Variants in AUH observed in about 807,000 individuals in gnomAD.
AUH encodes methylglutaconyl-CoA hydratase, mitochondrial.
In AUH, 29 loss-of-function variants were observed where a neutral mutation model predicts 42.3. That is an observed-to-expected ratio of 0.69 (90% confidence interval 0.51 to 0.93). The LOEUF (loss-of-function observed/expected upper bound fraction) is 0.93, where lower values mean the gene tolerates loss of function less well. Among genes scored for constraint, AUH ranks in the 40% least tolerant of loss-of-function variants. The pLI, the probability that AUH is intolerant of heterozygous loss-of-function variation, is 0.00. For missense variants in AUH, 452 were observed against 438.1 expected (o/e 1.03, Z -0.28); for synonymous variants, 174 against 166.4 (o/e 1.05, Z -0.35).
intron 6 of AUH, among the ~76,000 whole-genome samples, chr9:91,222,974 T>C (rs767302650): frequency 6.6e-6 from 1 of 152,292 alleles, no homozygotes; most frequent in Non-Finnish European, 1.5e-5. Context: ...AGCATGATCC[T>C]GAGGTATGAG....
chr9:91,349,038 C>A (rs1030405831), intron 3 of AUH, among the ~76,000 whole-genome samples: 3 of 152,204 alleles, frequency 2.0e-5, no homozygotes, highest in African/African-American at 7.2e-5. Context: ...TTATCAAACT[C>A]TCTGAAGGAC....
At chr9:91,322,868 C>T (rs962638046) in intron 4 of AUH, among the ~76,000 whole-genome samples, 1 of 152,120 alleles carries the variant, frequency 6.6e-6, no homozygotes, top group Non-Finnish European at 1.5e-5. Flanking sequence ...GTATGGCCAC[C>T]GCAGCATTAG....
intron 6 of AUH, among the ~76,000 whole-genome samples, chr9:91,278,578 A>G (rs1305564437): frequency 1.3e-5 from 2 of 152,252 alleles, no homozygotes; most frequent in East Asian, 3.8e-4. Context: ...CGCGATTTCA[A>G]CGAATGGAAA....
At chr9:91,241,048 A>T (rs1432754728) in intron 6 of AUH, among the ~76,000 whole-genome samples, 1 of 152,196 alleles carries the variant, frequency 6.6e-6, no homozygotes, top group Non-Finnish European at 1.5e-5. Flanking sequence ...AAGAAGGAAG[A>T]CATTCAGAAT....
intron 6 of AUH, among the ~76,000 whole-genome samples, chr9:91,252,321 T>A (rs1410192275): frequency 6.6e-6 from 1 of 151,874 alleles, no homozygotes. Flanking sequence ...CTTGTACATA[T>A]GGTCAAGGAA....
chr9:91,326,791 G>C (rs1378407530), intron 3 of AUH, among the ~76,000 whole-genome samples: 4 of 152,032 alleles, frequency 2.6e-5, no homozygotes, highest in African/African-American at 4.8e-5. Flanking sequence ...TAAATGTTTT[G>C]GAATGCCTGA....
chr9:91,331,610 G>T (rs996746217), intron 3 of AUH, among the ~76,000 whole-genome samples: 1 of 151,966 alleles, frequency 6.6e-6, no homozygotes, highest in Non-Finnish European at 1.5e-5. Flanking sequence ...AGTAGACAAC[G>T]CATGGAATTG....
chr9:91,256,705 CCTT>C (rs1208186055), intron 6 of AUH, among the ~76,000 whole-genome samples: 4 of 152,038 alleles, frequency 2.6e-5, no homozygotes, highest in African/African-American at 7.3e-5. Context: ...CACAGCCCCT[CCTT>C]CTACTGAACC....
intron 3 of AUH, 135 bp downstream of exon 3, chr9:91,355,748 G>A: frequency 2.7e-6 from 2 of 738,886 alleles, no homozygotes; most frequent in East Asian, 2.7e-5. Context: ...TTTTTCTTGT[G>A]AATCAGTAAA....
chr9:91,320,638 T>C (rs932798358), intron 4 of AUH, among the ~76,000 whole-genome samples: 4 of 152,260 alleles, frequency 2.6e-5, no homozygotes, highest in Admixed American at 6.5e-5. Context: ...AATCGTTCAC[T>C]GGTCTATTAA....
intron 6 of AUH, chr9:91,294,597 T>C: frequency 4.7e-6 from 2 of 424,996 alleles, no homozygotes; most frequent in Non-Finnish European, 4.7e-6. Context: ...ATAGCTGCCA[T>C]AGACAGTGAT....
chr9:91,227,463 G>A (rs369615571), intron 6 of AUH, among the ~76,000 whole-genome samples: 1 of 126,614 alleles, frequency 7.9e-6, no homozygotes, highest in African/African-American at 2.8e-5. Context: ...CTGAGACAAT[G>A]GGGTTTTCTA....
At chr9:91,273,736 G>GC (rs569302146) in intron 6 of AUH, among the ~76,000 whole-genome samples, 1 of 152,228 alleles carries the variant, frequency 6.6e-6, no homozygotes, top group South Asian at 2.1e-4. Flanking sequence ...TTACACAGTG[G>GC]CCCCCAAACC....
intron 3 of AUH, among the ~76,000 whole-genome samples, chr9:91,350,778 A>T (rs552847243): frequency 4.6e-5 from 7 of 152,074 alleles, no homozygotes; most frequent in Non-Finnish European, 5.9e-5. Context: ...AAACAAAAAG[A>T]AAGTTGTAAC....
chr9:91,317,841 A>T (rs1188764948), intron 4 of AUH, among the ~76,000 whole-genome samples: 5 of 152,236 alleles, frequency 3.3e-5, no homozygotes, highest in Non-Finnish European at 5.9e-5. Context: ...ATACATGTTG[A>T]TATTTCTCAA....
At chr9:91,287,539 T>C (rs964353666) in intron 6 of AUH, among the ~76,000 whole-genome samples, 1 of 152,148 alleles carries the variant, frequency 6.6e-6, no homozygotes, top group Non-Finnish European at 1.5e-5. Flanking sequence ...ATGTTAATAT[T>C]TGAGGAAGCT....
intron 3 of AUH, among the ~76,000 whole-genome samples, chr9:91,333,735 G>T (rs569785537): frequency 2.0e-5 from 3 of 152,142 alleles, no homozygotes; most frequent in Admixed American, 1.3e-4. Flanking sequence ...AAATCACATC[G>T]TAATCAAGAA....
At chr9:91,249,675 T>C (rs114942244) in intron 6 of AUH, among the ~76,000 whole-genome samples, 47 of 152,270 alleles carry the variant, frequency 3.1e-4, no homozygotes, top group African/African-American at 1.0e-3. Flanking sequence ...TCAACTACTG[T>C]TTGTGTTCAT....
intron 7 of AUH, among the ~76,000 whole-genome samples, chr9:91,219,984 A>G (rs767855943): frequency 8.5e-5 from 13 of 152,232 alleles, no homozygotes; most frequent in Non-Finnish European, 1.6e-4. Flanking sequence ...TTGACTCTAG[A>G]AATGGTTAGG....
Sources: gnomAD v4.1 joint callset for allele counts (sites outside exome capture counted in the v4.1 genomes callset) on GRCh38, gnomAD v4.1.1 for gene constraint, MANE v1.5 for transcripts, NCBI Gene and HGNC (gene_info 2026-07-23, HGNC 2026-07-21) for gene names.